Variants in EGF observed in about 807,000 individuals in gnomAD.
EGF encodes pro-epidermal growth factor.
In EGF, 95 loss-of-function variants were observed where a neutral mutation model predicts 143.8. The observed-to-expected ratio is 0.66, with a 90% CI of 0.56 to 0.78. The LOEUF is 0.78. Ranked by LOEUF, EGF falls within the 30% of genes least tolerant of loss-of-function variation. The probability of loss-of-function intolerance (pLI) is 0.00; values close to 1 mark genes in which losing one functional copy is unlikely to be tolerated. For missense variants in EGF, 1,320 were observed against 1,470.9 expected, an observed-to-expected ratio of 0.90 and a Z score of 1.68; for synonymous variants, 510 against 510.5, an observed-to-expected ratio of 1.00 and a Z score of 0.01.
At chr4:109,984,378 A>C (rs1749827741) in intron 16 of EGF, among the ~76,000 whole-genome samples, 1 of 152,116 alleles carries the variant, frequency 6.6e-6, no homozygotes, top group Non-Finnish European at 1.5e-5. Context: ...TCACCTTATC[A>C]GTGTGATTTT....
Position 109,944,982 on chromosome 4 carries a change from A to G in EGF, c.738-91A>G, listed in dbSNP as rs1742584573. 32 of 1,394,640 alleles carry G rather than the reference A, an allele frequency of 2.3e-5. 1 individual carries two copies. The South Asian group carries it at 3.8e-4, about 17-fold the overall frequency. The allele number at this position is 1,394,640 out of a possible 1,614,324, so 86.4% of individuals were successfully genotyped here. On this transcript the variant is annotated intron_variant, in intron 4 of 23. Transcript: ENST00000265171. ...ACAATTGAAAACGTAGGTGGTTAAAACTTAGACAATAAATTGAAATGAAGT... is the reference window on the plus strand; with the variant it reads ...ACAATTGAAAACGTAGGTGGTTAAAGCTTAGACAATAAATTGAAATGAAGT...
chr4:109,970,642 T>C (rs144115029), intron 11 of EGF, among the ~76,000 whole-genome samples: 4,446 of 151,978 alleles, frequency 0.029, 129 homozygotes, highest in African/African-American at 0.066. Flanking sequence ...CTGGCTAACA[T>C]GGTGAAACCC....
intron 18 of EGF, among the ~76,000 whole-genome samples, chr4:109,991,074 C>G (rs1750864703): frequency 6.6e-6 from 1 of 152,108 alleles, no homozygotes; most frequent in African/African-American, 2.4e-5. Flanking sequence ...TTTCACTTCT[C>G]CAGTGAAACT....
At chr4:109,927,607 C>T (rs1738920932) in intron 1 of EGF, among the ~76,000 whole-genome samples, 1 of 151,636 alleles carries the variant, frequency 6.6e-6, no homozygotes, top group South Asian at 2.1e-4. Flanking sequence ...GCTTGTGGTC[C>T]CAGCTACTCG....
chr4:109,923,024 A>G (rs1346353310), intron 1 of EGF, among the ~76,000 whole-genome samples: 1 of 151,652 alleles, frequency 6.6e-6, no homozygotes, highest in Non-Finnish European at 1.5e-5. Flanking sequence ...CCTAAAAACT[A>G]TCTTAACCAG....
chr4:109,951,380 A>T (rs1269818432), intron 5 of EGF, among the ~76,000 whole-genome samples: 2 of 151,894 alleles, frequency 1.3e-5, no homozygotes, highest in South Asian at 4.2e-4. Flanking sequence ...CCACAAAAAA[A>T]CCAAGTGAAA....
At chr4:109,961,378 G>GGAT (rs1484076083) in intron 7 of EGF, among the ~76,000 whole-genome samples, 1 of 151,958 alleles carries the variant, frequency 6.6e-6, no homozygotes, top group East Asian at 1.9e-4. Flanking sequence ...CAAAAACCAT[G>GGAT]GATGACTGGA....
intron 8 of EGF, among the ~76,000 whole-genome samples, chr4:109,962,848 C>T (rs1265925490): frequency 6.6e-6 from 1 of 152,076 alleles, no homozygotes; most frequent in Non-Finnish European, 1.5e-5. Context: ...AGATAGATCT[C>T]CTGAGGTCAG....
chr4:109,967,144 T>C (rs1746734885), intron 10 of EGF, among the ~76,000 whole-genome samples: 1 of 152,232 alleles, frequency 6.6e-6, no homozygotes, highest in Non-Finnish European at 1.5e-5. Context: ...GAGTTTCTTT[T>C]AGTTCTTCTT....
chr4:109,988,695 G>A lies in EGF; in HGVS notation c.2720G>A (p.Gly907Glu), dbSNP rs901322091. 1 of 1,613,948 alleles carries A rather than the reference G, an allele frequency of 6.2e-7. No individual in the cohort carries two copies. ...CRCSEGYQGD[G>E]IHCLDIDECQ... Reference sequence around the variant, plus strand: ...TGCTCAGAAGGCTACCAAGGAGATGGGATTCACTGTCTTGGTAAGAGGACA... The same window carrying A: ...TGCTCAGAAGGCTACCAAGGAGATGAGATTCACTGTCTTGGTAAGAGGACA... The change falls in exon 18 of 24, where the codon GGG (glycine) becomes GAG (glutamate). Residue 907 changes from glycine (G) to glutamate (E), a missense_variant. Around this residue, in one of 5 missense-constraint regions of EGF, gnomAD observed 1,186 missense variants for 1,313.7 expected, o/e 0.90. Coordinates refer to ENST00000265171, the MANE Select transcript of EGF (RefSeq NM_001963.6).
intron 1 of EGF, among the ~76,000 whole-genome samples, chr4:109,918,801 C>T (rs542883118): frequency 5.3e-5 from 8 of 152,158 alleles, no homozygotes; most frequent in Admixed American, 1.3e-4. Context: ...TACATCCCAG[C>T]GCTTCCAACA....
intron 23 of EGF, among the ~76,000 whole-genome samples, chr4:110,008,930 C>G (rs941749651): frequency 1.8e-4 from 27 of 152,288 alleles, no homozygotes; most frequent in Non-Finnish European, 2.6e-4. Flanking sequence ...TGTCGTGAGC[C>G]TTTGGAAAGG....
intron 1 of EGF, among the ~76,000 whole-genome samples, chr4:109,931,271 T>C (rs1375097988): frequency 6.6e-6 from 1 of 152,252 alleles, no homozygotes; most frequent in African/African-American, 2.4e-5. Context: ...CAAAGCCTAA[T>C]TCTCAAAGTG....
At chr4:109,995,925 T>C (rs1751735764) in intron 20 of EGF, among the ~76,000 whole-genome samples, 1 of 152,250 alleles carries the variant, frequency 6.6e-6, no homozygotes, top group Non-Finnish European at 1.5e-5. Flanking sequence ...TCATGAATAC[T>C]AGTAAAAATG....
chr4:110,012,367 G>A lies in EGF; in HGVS notation c.*912G>A, dbSNP rs1362596539. 4 of 142,602 alleles carry A rather than the reference G, an allele frequency of 2.8e-5. No individual in the cohort carries two copies. The highest frequency in any genetic ancestry group is 5.1e-5 in the African/African-American group (2 of 38,850). 8.8% of individuals were successfully genotyped at this position (142,602 alleles called of 1,614,324 possible). The stretch of plus-strand genomic sequence containing the variant: ...AAGCTTGCTGATGTTTCTGTTTTTC[G>A]TTTTTTTTTTTTTTCCGGAGAGAGG... On this transcript the variant is annotated 3_prime_UTR_variant, in exon 24 of 24. Transcript: ENST00000265171.
intron 23 of EGF, among the ~76,000 whole-genome samples, 192 bp from the exon 24 acceptor site, chr4:110,011,010 T>A (rs1481947799): frequency 6.6e-6 from 1 of 151,824 alleles, no homozygotes. Flanking sequence ...CACTGCACAA[T>A]CTGCCTGGAT....
Position 109,945,140 on chromosome 4 carries a change from AT to A in EGF, c.808del (p.Trp270GlyfsTer2), listed in dbSNP as rs1742619498. The A allele has an allele frequency of 6.2e-7, 1 of 1,614,034 alleles. No homozygotes were observed. The highest frequency in any genetic ancestry group is 8.5e-7 in the Non-Finnish European group (1 of 1,180,032). On this transcript the variant is annotated frameshift_variant, in exon 5 of 24. Transcript: ENST00000265171. LOFTEE classifies it high-confidence loss of function. ...IFYSTWKMKT[I>X]WIANKHTGKD... is the part of the protein sequence containing the mutation. ...CTATTCAACATGGAAAATGAAGACA[AT>A]TTGGATAGCCAACAAACACACTGGA...
intron 5 of EGF, among the ~76,000 whole-genome samples, chr4:109,947,271 A>G (rs1743023015): frequency 6.6e-6 from 1 of 152,182 alleles, no homozygotes; most frequent in African/African-American, 2.4e-5. Flanking sequence ...TCTCACCTTT[A>G]TGTAAAAGTT....
At chr4:109,929,583 C>T (rs1162604008) in intron 1 of EGF, among the ~76,000 whole-genome samples, 1 of 152,062 alleles carries the variant, frequency 6.6e-6, no homozygotes, top group Admixed American at 6.6e-5. Context: ...GGAAAGTAAG[C>T]CTCTTCAGTT....
Sources: allele counts gnomAD v4.1 joint callset (sites outside exome capture counted in the v4.1 genomes callset), GRCh38; gene constraint gnomAD v4.1.1; regional missense constraint gnomAD v4.1.1; transcripts MANE v1.5; gene names NCBI Gene and HGNC (gene_info 2026-07-23, HGNC 2026-07-21).